The following RPS6KA2 variants were observed in gnomAD, a reference collection of about 807,000 sequenced individuals.
RPS6KA2 encodes the protein ribosomal protein S6 kinase A2, also known as ribosomal protein S6 kinase alpha-2.
RPS6KA2 carries 42 observed loss-of-function variants against 91.8 expected under a neutral mutation model. The observed-to-expected ratio is 0.46, with a 90% CI of 0.36 to 0.59. The LOEUF (loss-of-function observed/expected upper bound fraction) is 0.59, where lower values mean the gene tolerates loss of function less well. RPS6KA2 is among the 20% of genes least tolerant of loss of function. RPS6KA2 has a pLI of 0.00. For missense variants in RPS6KA2, 798 were observed against 978.5 expected (o/e 0.82, Z 2.46); for synonymous variants, 414 against 393.6 (o/e 1.05, Z -0.61).
chr6:166,730,670 G>T (rs1382586517), intron 2 of RPS6KA2, among the ~76,000 whole-genome samples: 1 of 152,110 alleles, frequency 6.6e-6, no homozygotes, highest in African/African-American at 2.4e-5. Flanking sequence ...ATCAGCTCTA[G>T]TCCAAAAGTG....
At chr6:166,664,406 T>C (rs1788258042) in intron 2 of RPS6KA2, among the ~76,000 whole-genome samples, 1 of 152,216 alleles carries the variant, frequency 6.6e-6, no homozygotes, top group Non-Finnish European at 1.5e-5. Context: ...AAGAGGCGCA[T>C]TTTCTTGGAA....
chr6:166,533,393 G>A lies in RPS6KA2; in HGVS notation c.217-2080C>T, dbSNP rs572932155. Among the ~76,000 whole-genome samples, 5 of 152,364 alleles carry A rather than the reference G, an allele frequency of 3.3e-5. No homozygotes were observed. The highest frequency in any genetic ancestry group is 4.8e-5 in the African/African-American group (2 of 41,584). On this transcript the variant is annotated intron_variant, in intron 2 of 20. Transcript: ENST00000265678. This position sits in a 1 kb window ranked among gnomAD's most constrained non-coding sequence, Gnocchi z 4.0. ...GCTGCGTGAGCGTCCCGGTGCCGGA[G>A]AGGCCGCACTGGCAGAGAGGAACCT...
intron 2 of RPS6KA2, among the ~76,000 whole-genome samples, chr6:166,798,722 G>C (rs1779286207): frequency 6.6e-6 from 1 of 152,168 alleles, no homozygotes; most frequent in Non-Finnish European, 1.5e-5. Context: ...ATCTGTCTAG[G>C]AACTTCTCTG....
In RPS6KA2 at chr6:166,627,055, G is replaced by A. The variant is rs755895597; in HGVS notation, c.-36C>T. 2 of 1,360,086 alleles carry A rather than the reference G, an allele frequency of 1.5e-6. No homozygotes were observed. The highest frequency in any genetic ancestry group is 1.8e-5 in the South Asian group (1 of 55,920). 84.3% of individuals were successfully genotyped at this position (1,360,086 alleles called of 1,614,324 possible). A position where few individuals can be genotyped will look rare whatever the true frequency, so the allele number is the denominator to read the frequency against. Reference sequence around the variant, plus strand: ...CCAGCCCGGAGCAGCCGCAGGGCCGGGGGACGCGCATCCCCGGCATCCCAG... The same window carrying A: ...CCAGCCCGGAGCAGCCGCAGGGCCGAGGGACGCGCATCCCCGGCATCCCAG... On this transcript the variant is annotated 5_prime_UTR_variant, in exon 1 of 21. Transcript: ENST00000265678.
At chr6:166,481,242 G>A (rs1295692086) in intron 10 of RPS6KA2, among the ~76,000 whole-genome samples, 1 of 152,204 alleles carries the variant, frequency 6.6e-6, no homozygotes, top group Non-Finnish European at 1.5e-5. Flanking sequence ...ATAGCTATAG[G>A]GAATTTTCCT....
chr6:166,500,177 G>T lies in RPS6KA2; in HGVS notation c.604+710C>A, dbSNP rs1023400265. ...AGGCCCCCAAAAGGCAGGCAGCCCTGCTGACACCTTGATTTCATTCCTGGG... is the reference window on the plus strand; with the variant it reads ...AGGCCCCCAAAAGGCAGGCAGCCCTTCTGACACCTTGATTTCATTCCTGGG... On this transcript the variant is annotated intron_variant, in intron 7 of 20. Transcript: ENST00000265678. The surrounding 1 kb of genome is among the most constrained non-coding windows in gnomAD (Gnocchi z 4.3). Among the ~76,000 whole-genome samples, 2 of 152,242 alleles carry T rather than the reference G, an allele frequency of 1.3e-5. No homozygotes were observed. The highest frequency in any genetic ancestry group is 1.3e-4 in the Admixed American group (2 of 15,282).
At chr6:166,453,948 C>T (rs1780000305) in intron 12 of RPS6KA2, among the ~76,000 whole-genome samples, 1 of 152,158 alleles carries the variant, frequency 6.6e-6, no homozygotes, top group Non-Finnish European at 1.5e-5. Context: ...ACAACTCACA[C>T]GTGGAAAGTC....
chr6:166,503,322 G>A (rs765249412), intron 6 of RPS6KA2, among the ~76,000 whole-genome samples: 1 of 152,264 alleles, frequency 6.6e-6, no homozygotes, highest in African/African-American at 2.4e-5. Context: ...ATCCTGCAGT[G>A]GATATGGGAT....
chr6:166,482,562 T>C (rs1781266349), intron 10 of RPS6KA2, among the ~76,000 whole-genome samples: 5 of 152,184 alleles, frequency 3.3e-5, no homozygotes. Context: ...CCAGGAGCAA[T>C]GACAGGGAGC....
intron 2 of RPS6KA2, among the ~76,000 whole-genome samples, chr6:166,646,317 A>AC (rs554919093): frequency 6.3e-4 from 96 of 151,910 alleles, no homozygotes; most frequent in African/African-American, 2.1e-3. Context: ...GGTAGCAGGG[A>AC]CCCCCCTGGA....
chr6:166,748,119 T>C lies in RPS6KA2; in HGVS notation c.123+110081A>G, dbSNP rs988984399. Among the ~76,000 whole-genome samples the C allele has an allele frequency of 5.9e-5, 9 of 152,168 alleles. No homozygotes were observed. In the South Asian group the frequency reaches 1.7e-3, roughly 28 times the overall value. ...CGAGACTTATCCTGTCACTTTTGTATAGACTCTGTAACTTTAGAACCATGC... is the reference window on the plus strand; with the variant it reads ...CGAGACTTATCCTGTCACTTTTGTACAGACTCTGTAACTTTAGAACCATGC... On this transcript the variant is annotated intron_variant, in intron 2 of 21. Transcript: ENST00000503859.
At position 166,573,463 on chromosome 6, in the gene RPS6KA2, T is replaced by C. The variant is rs1256833758; in HGVS notation, c.100-34679A>G. On this transcript the variant is annotated intron_variant, in intron 1 of 20. Transcript: ENST00000265678. ...CGTGTTCTGATGCAGGAAGACGTACTGCTGTCTATGTAAAGTACAGATCAA... is the reference window on the plus strand; with the variant it reads ...CGTGTTCTGATGCAGGAAGACGTACCGCTGTCTATGTAAAGTACAGATCAA... Among the ~76,000 whole-genome samples, 3 of 152,240 alleles carry C rather than the reference T, an allele frequency of 2.0e-5. No homozygotes were observed. In the South Asian group the frequency reaches 6.2e-4, roughly 32 times the overall value.
intron 2 of RPS6KA2, among the ~76,000 whole-genome samples, chr6:166,813,094 G>A (rs956834268): frequency 6.6e-6 from 1 of 152,072 alleles, no homozygotes; most frequent in African/African-American, 2.4e-5. Context: ...GCTTCTCACC[G>A]TGACCCAGAC....
At chr6:166,492,924 G>A (rs191282090) in intron 8 of RPS6KA2, among the ~76,000 whole-genome samples, 10 of 144,508 alleles carry the variant, frequency 6.9e-5, no homozygotes, top group African/African-American at 2.6e-4. Flanking sequence ...TAGAGACAGG[G>A]TTTCACCATG....
At chr6:166,505,999 A>T (rs1782208254) in intron 5 of RPS6KA2, among the ~76,000 whole-genome samples, 1 of 152,216 alleles carries the variant, frequency 6.6e-6, no homozygotes, top group Non-Finnish European at 1.5e-5. Context: ...GGACAATAGC[A>T]GGAAGTTTCT....
chr6:166,839,689 A>AGGGGAGGGGAGGGGAGGGGGGGGGGGGG (rs1306436538), intron 2 of RPS6KA2, among the ~76,000 whole-genome samples: 1 of 6,772 alleles, frequency 1.5e-4, no homozygotes, highest in Non-Finnish European at 3.3e-4. Context: ...GCAGGAGAGG[A>AGGGGAGGGGAGGGGAGGGGGGGGGGGGG]GAGGGGAGGA....
intron 17 of RPS6KA2, among the ~76,000 whole-genome samples, chr6:166,422,856 T>G (rs2128441580): frequency 6.6e-6 from 1 of 152,184 alleles, no homozygotes; most frequent in East Asian, 1.9e-4. Flanking sequence ...ATCCGTAAAC[T>G]TAGTTGCTCC....
In RPS6KA2 at chr6:166,857,009, A is replaced by T. The variant is rs117296403; in HGVS notation, c.123+1191T>A. Among the ~76,000 whole-genome samples, 3 of 152,350 alleles carry T rather than the reference A, an allele frequency of 2.0e-5. No homozygotes were observed. The East Asian group carries it at 5.8e-4, about 29-fold the overall frequency. On this transcript the variant is annotated intron_variant, in intron 2 of 21. Coordinates refer to the RPS6KA2 transcript ENST00000503859. ...TAGACTCCCAGATTAGTGAAAATGCACAGAACCGAAAGGCAGCTGGATAAA... is the reference window on the plus strand; with the variant it reads ...TAGACTCCCAGATTAGTGAAAATGCTCAGAACCGAAAGGCAGCTGGATAAA...
At chr6:166,498,837 G>A (rs113444866) in intron 7 of RPS6KA2, among the ~76,000 whole-genome samples, 187 bp from the exon 8 acceptor site, 1,697 of 152,206 alleles carry the variant, frequency 0.011, 36 homozygotes, top group African/African-American at 0.039. Context: ...GAAGCCCGCC[G>A]GTGCCTGAAG....
Sources: allele counts gnomAD v4.1 joint callset (sites outside exome capture counted in the v4.1 genomes callset), GRCh38; gene constraint gnomAD v4.1.1; non-coding constraint Gnocchi (gnomAD v3.1); transcripts MANE v1.5; gene names NCBI Gene and HGNC (gene_info 2026-07-23, HGNC 2026-07-21).